ADGRF1: variants seen among roughly 807,000 people sequenced by gnomAD.
ADGRF1 encodes G protein-coupled receptor 110.
Under a neutral mutation model 87.2 loss-of-function variants are expected in ADGRF1, and 85 were observed. That is an observed-to-expected ratio of 0.97 (90% CI 0.82 to 1.17). ADGRF1 has a LOEUF of 1.17. Ranked by LOEUF, ADGRF1 falls within the 50% of genes most tolerant of loss-of-function variation. The pLI is 0.00. For missense variants in ADGRF1, 1,169 were observed against 1,077.2 expected (o/e 1.09, Z -1.19); for synonymous variants, 430 against 408.8 (o/e 1.05, Z -0.63).
intron 7 of ADGRF1, chr6:47,018,582 CCT>C (rs2113891196): frequency 7.8e-7 from 1 of 1,289,214 alleles, no homozygotes; most frequent in South Asian, 1.2e-5. Flanking sequence ...GTATAACTGT[CCT>C]GTTTGACAGA....
chr6:47,020,387 T>C lies in ADGRF1; in HGVS notation c.611+344A>G. 3 of 832,168 alleles carry C rather than the reference T, an allele frequency of 3.6e-6. No homozygotes were observed. In the South Asian group the frequency reaches 6.0e-5, roughly 17 times the overall value. 51.5% of individuals were successfully genotyped at this position (832,168 alleles called of 1,614,324 possible). On this transcript the variant is annotated intron_variant, in intron 7 of 14. Coordinates refer to ENST00000371253, the MANE Select transcript of ADGRF1 (RefSeq NM_153840.4). Reference sequence around the variant, plus strand: ...GGCAGGTGTCTGTAATTCCAGCTACTTGGGAGGCTGAGGCAGGGGAATCTC... The same window carrying C: ...GGCAGGTGTCTGTAATTCCAGCTACCTGGGAGGCTGAGGCAGGGGAATCTC...
intron 10 of ADGRF1, among the ~76,000 whole-genome samples, chr6:47,011,604 T>C (rs963044450): frequency 1.3e-5 from 2 of 152,236 alleles, no homozygotes; most frequent in Non-Finnish European, 2.9e-5. Context: ...AGTTAATCTT[T>C]AAATATCCAA....
chr6:47,027,879 T>C, intron 2 of ADGRF1, 118 bp from the exon 3 acceptor site: 1 of 721,942 alleles, frequency 1.4e-6, no homozygotes, highest in Non-Finnish European at 2.4e-6. Context: ...CCAGGGATGG[T>C]GGAGAGGCGG....
At chr6:47,018,425 C>T in intron 7 of ADGRF1, 3 of 1,288,462 alleles carry the variant, frequency 2.3e-6, no homozygotes, top group South Asian at 1.2e-5. Context: ...TGAACTTCTG[C>T]TCACAATGTA....
intron 1 of ADGRF1, among the ~76,000 whole-genome samples, chr6:47,038,798 T>C (rs920706819): frequency 6.6e-6 from 1 of 152,270 alleles, no homozygotes; most frequent in African/African-American, 2.4e-5. Flanking sequence ...ACTTGCTTAA[T>C]TGATACCTTG....
At chr6:47,013,786 T>A in intron 9 of ADGRF1, 1 of 304,540 alleles carries the variant, frequency 3.3e-6, no homozygotes, top group Non-Finnish European at 4.8e-6. Context: ...TTTAGCACCA[T>A]CCCCCAAGTG....
rs763501779 is a variant in ADGRF1 at position 47,007,246 on chromosome 6, C to T, written c.2532+7G>A. On this transcript the variant is annotated splice_region_variant and intron_variant, in intron 12 of 14. Coordinates refer to ENST00000371253, the MANE Select transcript of ADGRF1 (RefSeq NM_153840.4). The stretch of plus-strand genomic sequence containing the variant: ...TAGGGGTTAATGAGAGAAATAAATA[C>T]ACATACCTTACTGTCCAAGAGTATT... 1.9e-6 allele frequency: 3 copies of T among 1,545,284 alleles called. No homozygotes were observed. The highest frequency in any genetic ancestry group is 2.7e-6 in the Non-Finnish European group (3 of 1,121,466).
intron 13 of ADGRF1, among the ~76,000 whole-genome samples, chr6:47,003,971 T>A (rs1222640744): frequency 6.6e-6 from 1 of 152,116 alleles, no homozygotes; most frequent in Non-Finnish European, 1.5e-5. Flanking sequence ...AAGGAGCAAA[T>A]CCCTCCATCT....
chr6:47,019,175 G>T, intron 7 of ADGRF1: 1 of 570,044 alleles, frequency 1.8e-6, no homozygotes. Context: ...CAGCTTATAA[G>T]ATATGCATGA....
Position 47,000,301 on chromosome 6 carries a change from G to T in ADGRF1, c.2660-6C>A. 6.3e-7 allele frequency: 1 copy of T among 1,577,832 alleles called. No homozygotes were observed. On this transcript the variant is annotated splice_polypyrimidine_tract_variant and splice_region_variant and intron_variant, in intron 14 of 14. Transcript: ENST00000371253. The stretch of plus-strand genomic sequence containing the variant: ...ATGAGAAAATGCATAATGGCCTGAA[G>T]GGGAAAAAAAAAGGAAATAATTATT...
At position 47,009,541 on chromosome 6, in the gene ADGRF1, G is replaced by C. The variant is rs16875406; in HGVS notation, c.1894C>G (p.Leu632Val). 5 of 1,614,022 alleles carry C rather than the reference G, an allele frequency of 3.1e-6. No homozygotes were observed. In the South Asian group the frequency reaches 5.5e-5, roughly 18 times the overall value. ...TRRICMVNIA[L>V]SLLIADVWFI... Reference sequence around the variant, plus strand: ...CAGACATCAGCAATCAAGAGGGACAGGGCTATGTTCACCATGCAAATACGA... The same window carrying C: ...CAGACATCAGCAATCAAGAGGGACACGGCTATGTTCACCATGCAAATACGA... Residue 632 changes from leucine (L) to valine (V), a missense_variant, in exon 11 of 15, where the codon CTG (leucine) becomes GTG (valine). Coordinates refer to ENST00000371253, the MANE Select transcript of ADGRF1 (RefSeq NM_153840.4).
chr6:47,003,681 C>T (rs1451185220), intron 13 of ADGRF1, among the ~76,000 whole-genome samples: 1 of 152,212 alleles, frequency 6.6e-6, no homozygotes, highest in African/African-American at 2.4e-5. Flanking sequence ...CCTGTCCCTA[C>T]TTCGAGTTGT....
Position 47,014,818 on chromosome 6 carries a change from A to G in ADGRF1, c.790T>C (p.Phe264Leu). 6.2e-7 allele frequency: 1 copy of G among 1,611,288 alleles called. No individual in the cohort carries two copies. Among genetic ancestry groups the G allele is most frequent in the Non-Finnish European group, 8.5e-7 (1 of 1,178,526 alleles). The stretch of plus-strand genomic sequence containing the variant: ...GTATATTCATCATCCTTGGACCCAA[A>G]TCCAAAGACAATGTCATTACACTGG... ...KAQCNDIVFGFGSKDDEYTLP... is the reference protein window; with the variant it reads ...KAQCNDIVFGLGSKDDEYTLP... The change falls in exon 9 of 15, where the codon TTT (phenylalanine) becomes CTT (leucine). Residue 264 changes from phenylalanine (F) to leucine (L), a missense_variant. Physicochemically the swap from Phe to Leu is conservative, Grantham distance 22. Transcript: ENST00000371253.
intron 3 of ADGRF1, among the ~76,000 whole-genome samples, chr6:47,027,185 T>C (rs1780260716): frequency 3.9e-5 from 6 of 152,242 alleles, no homozygotes; most frequent in Admixed American, 3.9e-4. Flanking sequence ...TCATTCCAAG[T>C]TGAAATTTTG....
intron 1 of ADGRF1, among the ~76,000 whole-genome samples, chr6:47,030,517 T>A (rs1780379000): frequency 1.3e-5 from 2 of 151,878 alleles, no homozygotes; most frequent in Non-Finnish European, 2.9e-5. Flanking sequence ...TCTCGAGCAG[T>A]GTTTTACAAA....
chr6:47,034,838 G>C (rs1364169108), intron 1 of ADGRF1, among the ~76,000 whole-genome samples: 1 of 152,170 alleles, frequency 6.6e-6, no homozygotes, highest in Non-Finnish European at 1.5e-5. Flanking sequence ...CCAGAATTGA[G>C]ATATGTGCTT....
chr6:47,008,822 T>C, intron 11 of ADGRF1, 123 bp downstream of exon 11: 1 of 809,632 alleles, frequency 1.2e-6, no homozygotes, highest in South Asian at 2.2e-5. Context: ...TTCCATGCAG[T>C]TTTTCTGATG....
chr6:47,011,030 C>T (rs1225263431), intron 10 of ADGRF1, among the ~76,000 whole-genome samples: 1 of 152,236 alleles, frequency 6.6e-6, no homozygotes, highest in Non-Finnish European at 1.5e-5. Flanking sequence ...TACTCTGACC[C>T]AGCCCTCTTT....
At chr6:47,017,693 A>G (rs79715342) in intron 7 of ADGRF1, 1 of 104,214 alleles carries the variant, frequency 9.6e-6, no homozygotes, top group Non-Finnish European at 1.7e-5. Flanking sequence ...CCGAACATGC[A>G]AAAAAAAAAA....
Sources: allele counts gnomAD v4.1 joint callset (sites outside exome capture counted in the v4.1 genomes callset), GRCh38; gene constraint gnomAD v4.1.1; transcripts MANE v1.5; gene names NCBI Gene and HGNC (gene_info 2026-07-23, HGNC 2026-07-21).